The following UMODL1 variants were observed in gnomAD, a reference collection of about 807,000 sequenced individuals.
The protein encoded by UMODL1 is uromodulin-like 1.
Under a neutral mutation model 136.3 loss-of-function variants are expected in UMODL1, and 128 were observed. The ratio of observed to expected loss-of-function variants is 0.94; its 90% CI spans 0.81 to 1.09. The LOEUF is 1.09. UMODL1 is among the 50% of genes least tolerant of loss of function. The pLI, the probability that UMODL1 is intolerant of heterozygous loss-of-function variation, is 0.00. For synonymous variants in UMODL1, 721 were observed against 720.0 expected (o/e 1.00, Z -0.02); for missense variants, 1,766 against 1,725.6 (o/e 1.02, Z -0.41).
chr21:42,099,406 T>C lies in UMODL1; in HGVS notation c.1186+226T>C, dbSNP rs1299292245. On this transcript the variant is annotated intron_variant, in intron 7 of 22. Transcript: ENST00000408910. This position sits in a 1 kb window ranked among gnomAD's most constrained non-coding sequence, Gnocchi z 4.1. The stretch of plus-strand genomic sequence containing the variant: ...CCTCGCTTCCCTACATGTCGTCCTG[T>C]TAGGGGTTCGTTCTGCCGTGTGAGG... Among the ~76,000 whole-genome samples, 1 of 152,092 alleles carries C rather than the reference T, an allele frequency of 6.6e-6. No homozygotes were observed. The highest frequency in any genetic ancestry group is 2.4e-5 in the African/African-American group (1 of 41,388).
intron 9 of UMODL1, among the ~76,000 whole-genome samples, chr21:42,109,307 C>T (rs2066780893): frequency 1.3e-5 from 2 of 152,186 alleles, no homozygotes; most frequent in Admixed American, 1.3e-4. Context: ...GGGCTACATG[C>T]ACACCCATGG....
intron 22 of UMODL1, among the ~76,000 whole-genome samples, chr21:42,140,398 G>A (rs1237671163): frequency 6.6e-6 from 1 of 150,742 alleles, no homozygotes; most frequent in Non-Finnish European, 1.5e-5. Flanking sequence ...TGTGTCCCAG[G>A]TCACGTGGTT....
intron 12 of UMODL1, chr21:42,113,219 C>G (rs2066858905): frequency 5.4e-6 from 1 of 185,574 alleles, no homozygotes; most frequent in Non-Finnish European, 1.1e-5. Flanking sequence ...CTGGGTAAAT[C>G]CACCCAGGGG....
intron 21 of UMODL1, among the ~76,000 whole-genome samples, chr21:42,132,549 T>C (rs547687429): frequency 6.6e-6 from 1 of 152,086 alleles, no homozygotes; most frequent in Non-Finnish European, 1.5e-5. Flanking sequence ...CATCTATTCA[T>C]CCATCCATCC....
In UMODL1 at chr21:42,133,097, A is replaced by G. The variant is rs118032988; in HGVS notation, c.3775+3300A>G. Among the ~76,000 whole-genome samples the G allele has an allele frequency of 4.1e-3, 627 of 152,330 alleles. 5 individuals carry two copies. Among genetic ancestry groups the G allele is most frequent in the Non-Finnish European group, 4.1e-3 (277 of 68,030 alleles). On this transcript the variant is annotated intron_variant, in intron 21 of 22. Coordinates refer to ENST00000408910, the MANE Select transcript of UMODL1 (RefSeq NM_001004416.3). The stretch of plus-strand genomic sequence containing the variant: ...GTTAGTAGCTTTTGTTTGATCTATG[A>G]CTATCATACAAATACACAGCAAAAT...
At chr21:42,108,724 T>G (rs1366633669) in intron 9 of UMODL1, among the ~76,000 whole-genome samples, 1 of 152,206 alleles carries the variant, frequency 6.6e-6, no homozygotes, top group African/African-American at 2.4e-5. Context: ...ACATTGTCCT[T>G]GTCCTCACCT....
At chr21:42,127,364 T>C (rs2067073458) in intron 19 of UMODL1, 122 bp downstream of exon 19, 2 of 995,420 alleles carry the variant, frequency 2.0e-6, no homozygotes, top group Non-Finnish European at 3.1e-6. Context: ...TAACAATAGG[T>C]AGGGCTCAGG....
intron 21 of UMODL1, among the ~76,000 whole-genome samples, chr21:42,133,284 G>A (rs768698737): frequency 6.6e-6 from 1 of 152,308 alleles, no homozygotes. Flanking sequence ...CCCACGCTCT[G>A]TCCCTGCCAT....
chr21:42,110,164 T>C (rs1020052400), intron 10 of UMODL1, among the ~76,000 whole-genome samples: 1 of 152,320 alleles, frequency 6.6e-6, no homozygotes, highest in Non-Finnish European at 1.5e-5. Flanking sequence ...AGTCCTGCTG[T>C]ATCGGCCCCC....
At position 42,121,141 on chromosome 21, in the gene UMODL1, G is replaced by A. The variant is rs535386023; in HGVS notation, c.2744G>A (p.Arg915Gln). The change falls in exon 16 of 23, where the codon CGA becomes CAA. Residue 915 changes from arginine (R) to glutamine (Q), a missense_variant. Arg to Gln is a conservative substitution (Grantham distance 43). Transcript: ENST00000408910. ...EDDCVPGTSC[R>Q]NTLGSFTCSC... ...GACTGTGTGCCGGGGACATCCTGTC[G>A]AAACACCCTCGGGTCTTTCACTTGT... 17 of 1,614,112 alleles carry A rather than the reference G, an allele frequency of 1.1e-5. No individual in the cohort carries two copies. Among genetic ancestry groups the A allele is most frequent in the Admixed American group, 5.0e-5 (3 of 60,008 alleles).
In UMODL1 at chr21:42,122,711, G is replaced by A; in HGVS notation, c.2828-120G>A. ...TGTGTAGTTGTGGCTGGAACATGCGGTTCCCAGGTGTGGCTGCTGCAGAGT... is the reference window on the plus strand; with the variant it reads ...TGTGTAGTTGTGGCTGGAACATGCGATTCCCAGGTGTGGCTGCTGCAGAGT... On this transcript the variant is annotated intron_variant, in intron 16 of 22. Transcript: ENST00000408910. This position sits in a 1 kb window ranked among gnomAD's most constrained non-coding sequence, Gnocchi z 4.3. 1.0e-6 allele frequency: 1 copy of A among 990,190 alleles called. No homozygotes were observed. Among genetic ancestry groups the A allele is most frequent in the Non-Finnish European group, 1.4e-6 (1 of 690,780 alleles). The allele number at this position is 990,190 out of a possible 1,614,324, so 61.3% of individuals were successfully genotyped here. A position where few individuals can be genotyped will look rare whatever the true frequency, so the allele number is the denominator to read the frequency against.
chr21:42,112,535 CT>C (rs2066848396), intron 12 of UMODL1, among the ~76,000 whole-genome samples: 2 of 151,956 alleles, frequency 1.3e-5, no homozygotes, highest in African/African-American at 4.8e-5. Context: ...ATCTCCCCAG[CT>C]GTTCTGCACC....
chr21:42,082,386 G>A (rs545205406), intron 2 of UMODL1, among the ~76,000 whole-genome samples: 2 of 152,314 alleles, frequency 1.3e-5, no homozygotes, highest in South Asian at 4.1e-4. Context: ...CCAGGACCCA[G>A]TTACCAGCTG....
intron 2 of UMODL1, among the ~76,000 whole-genome samples, chr21:42,078,547 G>A (rs854832): frequency 0.034 from 433 of 12,828 alleles, 5 homozygotes; most frequent in African/African-American, 0.097. Flanking sequence ...GAAACCAGGC[G>A]GGGCCAGCTG....
intron 21 of UMODL1, among the ~76,000 whole-genome samples, chr21:42,132,542 C>T (rs527596010): frequency 6.6e-6 from 1 of 151,912 alleles, no homozygotes; most frequent in Admixed American, 6.5e-5. Flanking sequence ...ATCCATCCAT[C>T]TATTCATCCA....
At chr21:42,117,673 C>T (rs917006226) in intron 14 of UMODL1, among the ~76,000 whole-genome samples, 1 of 152,218 alleles carries the variant, frequency 6.6e-6, no homozygotes, top group African/African-American at 2.4e-5. Flanking sequence ...GCGCTTCCCC[C>T]ACAGATGAGA....
At chr21:42,108,366 G>A in intron 9 of UMODL1, 1 of 522,826 alleles carries the variant, frequency 1.9e-6, no homozygotes, top group Non-Finnish European at 3.9e-6. Context: ...CTGATGGCAA[G>A]GCAGCCCCCA....
At chr21:42,136,454 G>A (rs1197928166) in intron 21 of UMODL1, among the ~76,000 whole-genome samples, 1 of 152,184 alleles carries the variant, frequency 6.6e-6, no homozygotes, top group African/African-American at 2.4e-5. Context: ...TGTTATTGGT[G>A]CCTCTTGGGC....
intron 14 of UMODL1, 57 bp downstream of exon 14, chr21:42,116,042 A>G: frequency 1.4e-6 from 2 of 1,477,110 alleles, no homozygotes; most frequent in Non-Finnish European, 1.9e-6. Flanking sequence ...TGGAAGGCTG[A>G]TAGAATTCTA....
Sources: gnomAD v4.1 joint callset for allele counts (sites outside exome capture counted in the v4.1 genomes callset) on GRCh38, gnomAD v4.1.1 for gene constraint, Gnocchi (gnomAD v3.1) non-coding constraint, MANE v1.5 for transcripts, NCBI Gene and HGNC (gene_info 2026-07-23, HGNC 2026-07-21) for gene names.